RPS6KC1: variants seen among roughly 807,000 people sequenced by gnomAD.
The protein encoded by RPS6KC1 is ribosomal protein S6 kinase C1.
Under a neutral mutation model 103.8 loss-of-function variants are expected in RPS6KC1, and 54 were observed. The ratio of observed to expected loss-of-function variants is 0.52; its 90% confidence interval spans 0.42 to 0.65. RPS6KC1 has a LOEUF of 0.65. Among genes scored for constraint, RPS6KC1 ranks in the 30% least tolerant of loss-of-function variants. The pLI, the probability that RPS6KC1 is intolerant of heterozygous loss-of-function variation, is 0.00. For synonymous variants in RPS6KC1, 439 were observed against 438.7 expected (o/e 1.00, Z -0.01); for missense variants, 1,151 against 1,253.8 (o/e 0.92, Z 1.24).
chr1:213,722,688 C>T, the RPS6KC1 span, among the ~76,000 whole-genome samples: 1 of 152,124 alleles, frequency 6.6e-6, no homozygotes, highest in Non-Finnish European at 1.5e-5. Flanking sequence ...ATCAGCAATG[C>T]CACATGAGGA....
chr1:213,443,072 T>C, the RPS6KC1 span, among the ~76,000 whole-genome samples: 1 of 152,040 alleles, frequency 6.6e-6, no homozygotes, highest in Non-Finnish European at 1.5e-5. Context: ...TGTTTCTCAC[T>C]AGTAAGAATT....
chr1:213,240,856 A>C lies in RPS6KC1; in HGVS notation c.1380A>C (p.Gly460=). 1 of 1,613,906 alleles carries C rather than the reference A, an allele frequency of 6.2e-7. No individual in the cohort carries two copies. The highest frequency in any genetic ancestry group is 8.5e-7 in the Non-Finnish European group (1 of 1,179,890). The change falls in exon 11 of 15, where the codon GGA becomes GGC. Residue 460 remains glycine, a synonymous_variant. Transcript: ENST00000366960. ...PQDSSSFESR[G]SDGGSMLKAL... ...ACAGCAGTAGCTTTGAATCCAGAGGAAGTGATGGTGGAAGCATGCTTAAAG... is the reference window on the plus strand; with the variant it reads ...ACAGCAGTAGCTTTGAATCCAGAGGCAGTGATGGTGGAAGCATGCTTAAAG...
chr1:213,562,428 C>T, the RPS6KC1 span, among the ~76,000 whole-genome samples: 62,911 of 119,994 alleles, frequency 0.52, 18,886 homozygotes, highest in South Asian at 0.64. Context: ...CTTGCTCTGT[C>T]GCTCAGGCTG....
chr1:213,086,684 G>T (rs896352378), intron 3 of RPS6KC1, among the ~76,000 whole-genome samples: 4 of 152,120 alleles, frequency 2.6e-5, no homozygotes, highest in Admixed American at 1.3e-4. Flanking sequence ...TCACTATCTG[G>T]ACAGTAGGTA....
At chr1:213,131,553 C>T (rs1344074559) in intron 6 of RPS6KC1, among the ~76,000 whole-genome samples, 1 of 152,032 alleles carries the variant, frequency 6.6e-6, no homozygotes, top group African/African-American at 2.4e-5. Flanking sequence ...AAGTGATTCT[C>T]CTGCCTCAGC....
chr1:213,342,564 G>C, the RPS6KC1 span, among the ~76,000 whole-genome samples: 5 of 152,066 alleles, frequency 3.3e-5, no homozygotes, highest in Admixed American at 3.3e-4. Context: ...GGACCAGCCT[G>C]TTTTCATGTT....
the RPS6KC1 span, among the ~76,000 whole-genome samples, chr1:213,471,838 G>A: frequency 1.3e-5 from 2 of 151,300 alleles, no homozygotes; most frequent in African/African-American, 4.9e-5. Flanking sequence ...TAACATATCA[G>A]AAACTTATGG....
chr1:213,305,655 A>G, the RPS6KC1 span, among the ~76,000 whole-genome samples: 44 of 152,198 alleles, frequency 2.9e-4, no homozygotes, highest in African/African-American at 1.0e-3. Flanking sequence ...AGTTAGGAGT[A>G]AAGGCTAGGG....
the RPS6KC1 span, among the ~76,000 whole-genome samples, chr1:213,823,528 G>A: frequency 1.3e-5 from 2 of 152,124 alleles, no homozygotes; most frequent in African/African-American, 4.8e-5. Flanking sequence ...ATAATGATGT[G>A]GGATTAGGAT....
At chr1:213,538,200 G>T in the RPS6KC1 span, among the ~76,000 whole-genome samples, 1 of 152,152 alleles carries the variant, frequency 6.6e-6, no homozygotes, top group East Asian at 1.9e-4. Context: ...ATCTCAGTTT[G>T]GTGAAATAAC....
chr1:213,271,655 A>T lies in RPS6KC1; in HGVS notation c.3091-869A>T, dbSNP rs1016983534. On this transcript the variant is annotated intron_variant, in intron 14 of 14. Transcript: ENST00000366960. ...GGCGCGCGCCTGTAGTCCCAGCTAC[A>T]CGGGAGGCTGAGGCAGGAGAATGAC... is the stretch of plus-strand genomic sequence containing the variant. Among the ~76,000 whole-genome samples, 5 of 151,490 alleles carry T rather than the reference A, an allele frequency of 3.3e-5. No individual in the cohort carries two copies. The East Asian group carries it at 5.9e-4, about 18-fold the overall frequency.
intron 8 of RPS6KC1, among the ~76,000 whole-genome samples, chr1:213,229,864 A>G (rs1053053658): frequency 7.9e-5 from 12 of 152,210 alleles, no homozygotes; most frequent in African/African-American, 2.2e-4. Context: ...GGCAGCAAAG[A>G]TGGAAGCAGG....
the RPS6KC1 span, among the ~76,000 whole-genome samples, chr1:213,802,132 C>T: frequency 3.3e-5 from 5 of 152,302 alleles, no homozygotes; most frequent in East Asian, 3.9e-4. Context: ...CCTGCTATGC[C>T]TCTTTAACAT....
chr1:213,094,085 T>TCC (rs11331125), intron 3 of RPS6KC1, among the ~76,000 whole-genome samples: 6 of 148,744 alleles, frequency 4.0e-5, no homozygotes, highest in Admixed American at 1.3e-4. Flanking sequence ...AAATTTATGC[T>TCC]CCCCCCCCCC....
intron 8 of RPS6KC1, among the ~76,000 whole-genome samples, chr1:213,203,783 A>G (rs1024968233): frequency 2.0e-5 from 3 of 152,324 alleles, no homozygotes; most frequent in African/African-American, 7.2e-5. Flanking sequence ...TTCTGCACAT[A>G]TATACACTGT....
chr1:213,840,456 G>T, the RPS6KC1 span: 1 of 152,054 alleles, frequency 6.6e-6, no homozygotes, highest in Non-Finnish European at 1.5e-5. Context: ...TTCAAAACAG[G>T]TTATATTTAT....
chr1:213,178,394 A>G lies in RPS6KC1; in HGVS notation c.1044+1902A>G, dbSNP rs188565244. On this transcript the variant is annotated intron_variant, in intron 8 of 14. Transcript: ENST00000366960. ...GTCTCTACCAAAAATACAAAAAATT[A>G]CCTGGGCATGGTGGCACACACCTGT... Among the ~76,000 whole-genome samples the G allele has an allele frequency of 1.3e-4, 20 of 151,728 alleles. No individual in the cohort carries two copies. In the East Asian group the frequency reaches 3.7e-3, roughly 28 times the overall value.
the RPS6KC1 span, among the ~76,000 whole-genome samples, chr1:213,382,725 C>A: frequency 6.6e-6 from 1 of 152,182 alleles, no homozygotes; most frequent in South Asian, 2.1e-4. Context: ...TCTCAGAGTT[C>A]AGCCATCAAA....
At chr1:213,316,660 T>C in the RPS6KC1 span, among the ~76,000 whole-genome samples, 1 of 151,862 alleles carries the variant, frequency 6.6e-6, no homozygotes, top group Non-Finnish European at 1.5e-5. Flanking sequence ...ATTCTGAGGA[T>C]GACTACAGAG....
Sources: allele counts gnomAD v4.1 joint callset (sites outside exome capture counted in the v4.1 genomes callset), GRCh38; gene constraint gnomAD v4.1.1; transcripts MANE v1.5; gene names NCBI Gene and HGNC (gene_info 2026-07-23, HGNC 2026-07-21).